The following PCMTD2 variants were observed in gnomAD, a reference collection of about 807,000 sequenced individuals.
PCMTD2 encodes protein-L-isoaspartate O-methyltransferase domain-containing protein 2.
PCMTD2 carries 16 observed loss-of-function variants against 33.4 expected under a neutral mutation model. The ratio of observed to expected loss-of-function variants is 0.48; its 90% CI spans 0.32 to 0.73. The LOEUF (loss-of-function observed/expected upper bound fraction) is 0.73, where lower values mean the gene tolerates loss of function less well. PCMTD2 is among the 30% of genes least tolerant of loss of function. PCMTD2 has a pLI of 0.03. For synonymous variants in PCMTD2, 161 were observed against 160.8 expected (o/e 1.00, Z -0.01); for missense variants, 374 against 449.9 (o/e 0.83, Z 1.53).
chr20:64,262,120 G>A (rs1985443948), intron 2 of PCMTD2, among the ~76,000 whole-genome samples: 1 of 152,086 alleles, frequency 6.6e-6, no homozygotes, highest in African/African-American at 2.4e-5. Context: ...TGGGTGTGGT[G>A]GTGCACACCT....
rs574257413 is a variant in PCMTD2, at chr20:64,274,223, A to G, written c.*623A>G. Reference sequence around the variant, plus strand: ...GTGAGTTGCCAGTTGTAATTTTTCAAAGGAAAAATTTTGATGGGGTGGAGG... The same window carrying G: ...GTGAGTTGCCAGTTGTAATTTTTCAGAGGAAAAATTTTGATGGGGTGGAGG... On this transcript the variant is annotated 3_prime_UTR_variant, in exon 6 of 6. Coordinates refer to ENST00000308824, the MANE Select transcript of PCMTD2 (RefSeq NM_018257.3). The G allele has an allele frequency of 9.9e-5, 15 of 152,106 alleles. No individual in the cohort carries two copies. Among genetic ancestry groups the G allele is most frequent in the Non-Finnish European group, 1.9e-4 (13 of 68,024 alleles). The allele number at this position is 152,106 out of a possible 1,614,324, so 9.4% of individuals were successfully genotyped here. A position where few individuals can be genotyped will look rare whatever the true frequency, so the allele number is the denominator to read the frequency against.
At chr20:64,265,530 A>G (rs1162129083) in intron 4 of PCMTD2, 101 bp downstream of exon 4, 4 of 942,948 alleles carry the variant, frequency 4.2e-6, no homozygotes, top group Non-Finnish European at 4.6e-6. Context: ...CCTGCATTTC[A>G]CAAATGAGGA....
chr20:64,259,928 A>G lies in PCMTD2; in HGVS notation c.-24-14A>G, dbSNP rs538892981. 1.8e-5 allele frequency: 25 copies of G among 1,407,094 alleles called. No homozygotes were observed. The highest frequency in any genetic ancestry group is 4.3e-5 in the African/African-American group (3 of 69,996). 87.2% of individuals were successfully genotyped at this position (1,407,094 alleles called of 1,614,324 possible). A position where few individuals can be genotyped will look rare whatever the true frequency, so the allele number is the denominator to read the frequency against. On this transcript the variant is annotated splice_polypyrimidine_tract_variant and intron_variant, in intron 1 of 5. Transcript: ENST00000308824. ...TTAACATAAATCGCTCTTTTTAAAC[A>G]TTTTTAATTATAGTATTGCCTAAGT...
chr20:64,270,155 A>G (rs1401062288), intron 5 of PCMTD2, among the ~76,000 whole-genome samples: 2 of 97,294 alleles, frequency 2.1e-5, no homozygotes, highest in Non-Finnish European at 4.0e-5. Context: ...CAGTGCGGGC[A>G]TGCACGTTGT....
chr20:64,268,034 T>C (rs1335316315), intron 5 of PCMTD2, 24 bp downstream of exon 5: 2 of 1,571,438 alleles, frequency 1.3e-6, no homozygotes, highest in South Asian at 1.1e-5. Flanking sequence ...TCTTTACTTA[T>C]TTTATCTTTT....
intron 5 of PCMTD2, among the ~76,000 whole-genome samples, chr20:64,268,495 G>A (rs564747446): frequency 6.6e-6 from 1 of 152,348 alleles, no homozygotes; most frequent in East Asian, 1.9e-4. Context: ...ACCTTACACA[G>A]CCGAGCCTTT....
rs893673969 is a variant in PCMTD2, at chr20:64,275,815, T to G, written c.*2215T>G. On this transcript the variant is annotated 3_prime_UTR_variant, in exon 6 of 6. Coordinates refer to ENST00000308824, the MANE Select transcript of PCMTD2 (RefSeq NM_018257.3). The stretch of plus-strand genomic sequence containing the variant: ...GTAGTTTGTATTTTAATATGTGACT[T>G]TTGTCTTGAAAAGTAGTAAAGCCAT... 1 of 152,242 alleles carries G rather than the reference T, an allele frequency of 6.6e-6. No homozygotes were observed. The highest frequency in any genetic ancestry group is 1.5e-5 in the Non-Finnish European group (1 of 68,038). The allele number at this position is 152,242 out of a possible 1,614,324, so 9.4% of individuals were successfully genotyped here. A position where few individuals can be genotyped will look rare whatever the true frequency, so the allele number is the denominator to read the frequency against.
Position 64,267,961 on chromosome 20 carries a change from G to T in PCMTD2, c.657G>T (p.Leu219=). 3 of 1,613,452 alleles carry T rather than the reference G, an allele frequency of 1.9e-6. No individual in the cohort carries two copies. Among genetic ancestry groups the T allele is most frequent in the Non-Finnish European group, 2.5e-6 (3 of 1,179,474 alleles). ...TTCTTGCTGTTTCTTTTGCTCCTCTGATCCAGCCCTGCCATTCAGAGTCAG... is the reference window on the plus strand; with the variant it reads ...TTCTTGCTGTTTCTTTTGCTCCTCTTATCCAGCCCTGCCATTCAGAGTCAG... ...KKILAVSFAP[L]IQPCHSESGK... The change falls in exon 5 of 6, where the codon CTG becomes CTT. Residue 219 remains leucine, a synonymous_variant. Transcript: ENST00000308824.
chr20:64,257,425 A>G lies in PCMTD2; in HGVS notation c.-25+1555A>G, dbSNP rs146864940. Among the ~76,000 whole-genome samples, 11 of 152,362 alleles carry G rather than the reference A, an allele frequency of 7.2e-5. No homozygotes were observed. In the East Asian group the frequency reaches 1.7e-3, roughly 24 times the overall value. On this transcript the variant is annotated intron_variant, in intron 1 of 5. Transcript: ENST00000308824. ...TATTAAGGATTAATTACAGCAGACA[A>G]TGTGCACAGTATCATCGAGTGCAGC...
At chr20:64,266,952 T>G (rs1330163077) in intron 4 of PCMTD2, among the ~76,000 whole-genome samples, 1 of 152,240 alleles carries the variant, frequency 6.6e-6, no homozygotes, top group Non-Finnish European at 1.5e-5. Context: ...TAAACATATG[T>G]TTTGCTGGTA....
Position 64,270,120 on chromosome 20 carries a change from G to T in PCMTD2, c.706+2110G>T, listed in dbSNP as rs142444312. Among the ~76,000 whole-genome samples the T allele has an allele frequency of 4.3e-3, 611 of 142,450 alleles. 4 individuals carry two copies. The highest frequency in any genetic ancestry group is 0.015 in the African/African-American group (558 of 38,044). 93.5% of individuals were successfully genotyped at this position (142,450 alleles called of 152,430 possible). ...GTTCAGGCGTGCACGGTATGGGGTC[G>T]TGTGAGTGCATGGTGTGGGGTCGTC... On this transcript the variant is annotated intron_variant, in intron 5 of 5. Transcript: ENST00000308824.
intron 4 of PCMTD2, among the ~76,000 whole-genome samples, chr20:64,266,017 C>G (rs1985643126): frequency 6.6e-6 from 1 of 152,122 alleles, no homozygotes; most frequent in African/African-American, 2.4e-5. Flanking sequence ...GAATGTCTCC[C>G]AGTCACAAAG....
chr20:64,261,671 G>A (rs566222222), intron 2 of PCMTD2, among the ~76,000 whole-genome samples: 38 of 152,108 alleles, frequency 2.5e-4, no homozygotes, highest in African/African-American at 9.2e-4. Context: ...TTGGCTTTAT[G>A]CTATAGATTG....
chr20:64,273,447 TGAAGACTTG>T lies in PCMTD2; in HGVS notation c.939_947del (p.Asp313_Glu315del). On this transcript the variant is annotated inframe_deletion, in exon 6 of 6. Transcript: ENST00000308824. ...CCAACCCCTCAGATGACAACAGCTG[TGAAGACTTG>T]GAAGAGGAACGGAGGGAAGAAGAAG... 4 of 1,613,692 alleles carry T rather than the reference TGAAGACTTG, an allele frequency of 2.5e-6. No individual in the cohort carries two copies. The highest frequency in any genetic ancestry group is 3.4e-6 in the Non-Finnish European group (4 of 1,179,908).
chr20:64,258,865 T>G (rs898819841), intron 1 of PCMTD2: 2 of 152,236 alleles, frequency 1.3e-5, no homozygotes, highest in East Asian at 3.8e-4. Flanking sequence ...AGCAGTTACT[T>G]TGAAAAAGTT....
rs1986066747 is a variant in PCMTD2 at position 64,275,375 on chromosome 20, G to A, written c.*1775G>A. The A allele has an allele frequency of 6.6e-6, 1 of 152,064 alleles. No individual in the cohort carries two copies. Among genetic ancestry groups the A allele is most frequent in the Non-Finnish European group, 1.5e-5 (1 of 68,012 alleles). The allele number at this position is 152,064 out of a possible 1,614,324, so 9.4% of individuals were successfully genotyped here. A position where few individuals can be genotyped will look rare whatever the true frequency, so the allele number is the denominator to read the frequency against. On this transcript the variant is annotated 3_prime_UTR_variant, in exon 6 of 6. Coordinates refer to ENST00000308824, the MANE Select transcript of PCMTD2 (RefSeq NM_018257.3). ...TAAATGAGTGCTATCTGTGAAATTG[G>A]TTATATTAGGTGGCTTGACTAATGT...
intron 2 of PCMTD2, among the ~76,000 whole-genome samples, chr20:64,260,610 T>C (rs1985371059): frequency 6.6e-6 from 1 of 152,160 alleles, no homozygotes; most frequent in East Asian, 1.9e-4. Flanking sequence ...CGATTTAATT[T>C]TATCACTCAT....
In PCMTD2 at chr20:64,268,138, A is replaced by C. The variant is rs1359137839; in HGVS notation, c.706+128A>C. The C allele has an allele frequency of 6.5e-6, 4 of 618,566 alleles. No individual in the cohort carries two copies. In the East Asian group the frequency reaches 1.1e-4, roughly 17 times the overall value. The allele number at this position is 618,566 out of a possible 1,614,324, so 38.3% of individuals were successfully genotyped here. On this transcript the variant is annotated intron_variant, in intron 5 of 5. Transcript: ENST00000308824. Reference sequence around the variant, plus strand: ...GCACCACTCCCATGCTGAAACTGTAAAATTCTACAAGCAATTTCAGGCATT... The same window carrying C: ...GCACCACTCCCATGCTGAAACTGTACAATTCTACAAGCAATTTCAGGCATT...
At chr20:64,267,807 A>G (rs759737117) in intron 4 of PCMTD2, 80 bp from the exon 5 acceptor site, 30 of 1,153,882 alleles carry the variant, frequency 2.6e-5, no homozygotes, top group Non-Finnish European at 3.6e-5. Context: ...ATGTATTTTT[A>G]TAGTATGTAT....
Sources: allele counts gnomAD v4.1 joint callset (sites outside exome capture counted in the v4.1 genomes callset), GRCh38; gene constraint gnomAD v4.1.1; transcripts MANE v1.5; gene names NCBI Gene and HGNC (gene_info 2026-07-23, HGNC 2026-07-21).